Variants in CLRN1 observed in about 807,000 individuals in gnomAD.
CLRN1 encodes the protein clarin-1.
A neutral mutation model predicts 18.7 loss-of-function variants in CLRN1; 15 were observed. The ratio of observed to expected loss-of-function variants is 0.80; its 90% CI spans 0.54 to 1.23. CLRN1 has a LOEUF of 1.23. Among genes scored for constraint, CLRN1 ranks in the 50% most tolerant of loss-of-function variants. The pLI is 0.00. For synonymous variants in CLRN1, 104 were observed against 102.9 expected, an observed-to-expected ratio of 1.01 and a Z score of -0.07; for missense variants, 311 against 277.5, an observed-to-expected ratio of 1.12 and a Z score of -0.86.
At chr3:150,929,962 A>G (rs909374046) in intron 2 of CLRN1, among the ~76,000 whole-genome samples, 2 of 152,212 alleles carry the variant, frequency 1.3e-5, no homozygotes, top group African/African-American at 4.8e-5. Context: ...GAGTGGCAAC[A>G]TAATGGCTTG....
chr3:150,935,735 G>A (rs1390772360), intron 2 of CLRN1, among the ~76,000 whole-genome samples: 1 of 151,364 alleles, frequency 6.6e-6, no homozygotes, highest in Non-Finnish European at 1.5e-5. Flanking sequence ...CTTCCCCAAT[G>A]GTTGAACTAG....
intron 1 of CLRN1, among the ~76,000 whole-genome samples, chr3:150,949,541 A>G (rs892735809): frequency 1.3e-5 from 2 of 152,212 alleles, no homozygotes; most frequent in Non-Finnish European, 2.9e-5. Flanking sequence ...TAGCATTCCT[A>G]TACACCAACA....
At chr3:150,962,728 C>T (rs1195163531) in intron 1 of CLRN1, among the ~76,000 whole-genome samples, 4 of 152,190 alleles carry the variant, frequency 2.6e-5, no homozygotes, top group Admixed American at 1.3e-4. Flanking sequence ...TAGCTAACCA[C>T]ACATGTGATC....
rs1714116387 is a variant in CLRN1 at position 150,945,529 on chromosome 3, A to G, written c.254-3768T>C. 4 of 1,286,992 alleles carry G rather than the reference A, an allele frequency of 3.1e-6. No homozygotes were observed. In the South Asian group the frequency reaches 3.7e-5, roughly 12 times the overall value. 79.7% of individuals were successfully genotyped at this position (1,286,992 alleles called of 1,614,324 possible). Reference sequence around the variant, plus strand: ...ATTAACTAACTACATATGTACATACATGAAATAAGCTTAGTGCTATCCAAT... The same window carrying G: ...ATTAACTAACTACATATGTACATACGTGAAATAAGCTTAGTGCTATCCAAT... On this transcript the variant is annotated intron_variant, in intron 1 of 2. Transcript: ENST00000327047.
At chr3:150,968,992 T>G (rs2107991382) in intron 1 of CLRN1, among the ~76,000 whole-genome samples, 1 of 152,012 alleles carries the variant, frequency 6.6e-6, no homozygotes, top group Non-Finnish European at 1.5e-5. Flanking sequence ...CTTTCTTGCC[T>G]ATTAAACTCT....
At chr3:150,966,987 A>G (rs977200457) in intron 1 of CLRN1, among the ~76,000 whole-genome samples, 1 of 152,212 alleles carries the variant, frequency 6.6e-6, no homozygotes, top group African/African-American at 2.4e-5. Context: ...TCTCCCATAT[A>G]CAGATGCAAG....
intron 1 of CLRN1, among the ~76,000 whole-genome samples, chr3:150,943,573 C>T (rs554856736): frequency 1.3e-5 from 2 of 152,298 alleles, no homozygotes; most frequent in East Asian, 3.9e-4. Context: ...CTGCATTCAC[C>T]ATCCTTCAGT....
At chr3:150,934,216 G>C (rs564180190) in intron 2 of CLRN1, among the ~76,000 whole-genome samples, 1 of 152,110 alleles carries the variant, frequency 6.6e-6, no homozygotes, top group Non-Finnish European at 1.5e-5. Context: ...TTTTTGAACT[G>C]TTCTTTATTT....
intron 1 of CLRN1, among the ~76,000 whole-genome samples, chr3:150,970,263 T>C (rs1420905428): frequency 1.3e-5 from 2 of 152,160 alleles, no homozygotes; most frequent in South Asian, 2.1e-4. Context: ...CAAGCAAACG[T>C]TGATGAAACA....
intron 1 of CLRN1, among the ~76,000 whole-genome samples, chr3:150,948,967 C>T (rs901446509): frequency 6.6e-6 from 1 of 152,162 alleles, no homozygotes; most frequent in Non-Finnish European, 1.5e-5. Context: ...CAACAAAATA[C>T]TTGCAAACTG....
intron 1 of CLRN1, among the ~76,000 whole-genome samples, chr3:150,949,132 GAA>G (rs1714344472): frequency 6.6e-6 from 1 of 152,134 alleles, no homozygotes; most frequent in Non-Finnish European, 1.5e-5. Context: ...AACAGAGGCA[GAA>G]AAGACTTTTA....
chr3:150,959,648 G>T (rs1460837115), intron 1 of CLRN1, among the ~76,000 whole-genome samples: 1 of 149,836 alleles, frequency 6.7e-6, no homozygotes, highest in African/African-American at 2.5e-5. Context: ...AAAAAAAAAG[G>T]TTACTGGAGG....
intron 2 of CLRN1, among the ~76,000 whole-genome samples, chr3:150,936,624 C>A (rs1367591174): frequency 6.6e-6 from 1 of 152,154 alleles, no homozygotes; most frequent in East Asian, 1.9e-4. Flanking sequence ...TTGTCTTTCA[C>A]CAGACATTTC....
Position 150,927,655 on chromosome 3 carries a change from CA to C in CLRN1, c.*280del, listed in dbSNP as rs1559976151. 1.7e-6 allele frequency: 1 copy of C among 572,972 alleles called. No individual in the cohort carries two copies. Among genetic ancestry groups the C allele is most frequent in the Non-Finnish European group, 3.3e-6 (1 of 305,674 alleles). 35.5% of individuals were successfully genotyped at this position (572,972 alleles called of 1,614,324 possible). A position where few individuals can be genotyped will look rare whatever the true frequency, so the allele number is the denominator to read the frequency against. ...TTACACACACACACACACACACACA[CA>C]CACATATATATATATGGAGTAACAA... On this transcript the variant is annotated 3_prime_UTR_variant, in exon 3 of 3. Coordinates refer to ENST00000327047, the MANE Select transcript of CLRN1 (RefSeq NM_174878.3).
intron 1 of CLRN1, among the ~76,000 whole-genome samples, chr3:150,943,451 T>C (rs1713973425): frequency 6.6e-6 from 1 of 152,152 alleles, no homozygotes; most frequent in South Asian, 2.1e-4. Context: ...ACTTCAGAGA[T>C]GGTGGCTGGA....
intron 1 of CLRN1, among the ~76,000 whole-genome samples, chr3:150,958,698 A>G (rs914939015): frequency 5.3e-5 from 8 of 152,244 alleles, no homozygotes; most frequent in African/African-American, 1.9e-4. Flanking sequence ...CCTATTCCTC[A>G]CATAGAGTAC....
intron 1 of CLRN1, among the ~76,000 whole-genome samples, chr3:150,952,795 T>A (rs1244030998): frequency 6.6e-6 from 1 of 152,190 alleles, no homozygotes; most frequent in African/African-American, 2.4e-5. Context: ...CTGATTTGCC[T>A]CCTGGAAAAG....
At chr3:150,959,349 C>T (rs570339236) in intron 1 of CLRN1, among the ~76,000 whole-genome samples, 58 of 152,266 alleles carry the variant, frequency 3.8e-4, no homozygotes, top group Non-Finnish European at 7.1e-4. Flanking sequence ...TAGGTTACAG[C>T]CGGGCTTGGT....
intron 1 of CLRN1, among the ~76,000 whole-genome samples, chr3:150,944,395 T>A (rs926595155): frequency 6.6e-6 from 1 of 152,050 alleles, no homozygotes; most frequent in Non-Finnish European, 1.5e-5. Flanking sequence ...TATTAAAAGA[T>A]CATTCTGAAT....
Sources: gnomAD v4.1 joint callset for allele counts (sites outside exome capture counted in the v4.1 genomes callset) on GRCh38, gnomAD v4.1.1 for gene constraint, MANE v1.5 for transcripts, NCBI Gene and HGNC (gene_info 2026-07-23, HGNC 2026-07-21) for gene names.